CACNG3: variants seen among roughly 807,000 people sequenced by gnomAD.
CACNG3 encodes the protein voltage-dependent calcium channel gamma-3 subunit.
CACNG3 carries 3 observed loss-of-function variants against 28.5 expected under a neutral mutation model. The observed-to-expected ratio is 0.11, with a 90% confidence interval of 0.05 to 0.27. The LOEUF (loss-of-function observed/expected upper bound fraction) is 0.27, where lower values mean the gene tolerates loss of function less well. CACNG3 is among the 10% of genes least tolerant of loss of function. The probability of loss-of-function intolerance (pLI) is 1.00; values close to 1 mark genes in which losing one functional copy is unlikely to be tolerated. For missense variants in CACNG3, 236 were observed against 414.4 expected (o/e 0.57, Z 3.74); for synonymous variants, 174 against 162.2 (o/e 1.07, Z -0.55).
chr16:24,286,407 GACACAC>G (rs34888406), intron 1 of CACNG3, among the ~76,000 whole-genome samples: 25 of 136,480 alleles, frequency 1.8e-4, no homozygotes, highest in East Asian at 6.2e-4. Context: ...TTAAATGAAG[GACACAC>G]ACACACACAC....
At chr16:24,259,568 C>T (rs1194955628) in intron 1 of CACNG3, among the ~76,000 whole-genome samples, 1 of 152,098 alleles carries the variant, frequency 6.6e-6, no homozygotes, top group African/African-American at 2.4e-5. Context: ...GTTTGTTCTT[C>T]TGTGCTTTTT....
At chr16:24,308,839 C>CAAAAAAAAAAAAAAAAAAAAAAA (rs71154298) in intron 1 of CACNG3, among the ~76,000 whole-genome samples, 8 of 27,268 alleles carry the variant, frequency 2.9e-4, no homozygotes, top group Non-Finnish European at 5.2e-4. Flanking sequence ...GAACCTACCT[C>CAAAAAAAAAAAAAAAAAAAAAAA]AAAAAAAAAA....
chr16:24,339,020 A>G (rs1899746750), intron 1 of CACNG3, among the ~76,000 whole-genome samples: 1 of 152,348 alleles, frequency 6.6e-6, no homozygotes, highest in Admixed American at 6.5e-5. Context: ...CAGCTTAGAC[A>G]TAATTTCACT....
chr16:24,306,409 G>A (rs143015011), intron 1 of CACNG3, among the ~76,000 whole-genome samples: 14 of 152,332 alleles, frequency 9.2e-5, no homozygotes, highest in Non-Finnish European at 2.1e-4. Context: ...AGAGTATGGG[G>A]TAACAAAGCA....
chr16:24,336,373 G>A (rs1317906006), intron 1 of CACNG3, among the ~76,000 whole-genome samples: 2 of 150,648 alleles, frequency 1.3e-5, no homozygotes, highest in African/African-American at 2.4e-5. Flanking sequence ...CCAGGTTCAC[G>A]CCATTCTCCG....
chr16:24,360,343 C>T (rs1900089556), intron 3 of CACNG3, among the ~76,000 whole-genome samples: 1 of 152,210 alleles, frequency 6.6e-6, no homozygotes, highest in African/African-American at 2.4e-5. Flanking sequence ...CTGACCACTA[C>T]CTAGGAAACT....
intron 1 of CACNG3, among the ~76,000 whole-genome samples, chr16:24,328,062 T>C (rs565150180): frequency 6.6e-6 from 1 of 152,334 alleles, no homozygotes; most frequent in South Asian, 2.1e-4. Flanking sequence ...AAGACAGTGG[T>C]GAGCAAGACA....
chr16:24,361,924 C>G lies in CACNG3; in HGVS notation c.*61C>G. On this transcript the variant is annotated 3_prime_UTR_variant, in exon 4 of 4. Transcript: ENST00000005284. The surrounding 1 kb of genome is among the most constrained non-coding windows in gnomAD (Gnocchi z 6.8). ...CCTTGGGGGAAGTGTACAGAGATGTCTCTGAGGTTGCATGGCATGGTCCTT... is the reference window on the plus strand; with the variant it reads ...CCTTGGGGGAAGTGTACAGAGATGTGTCTGAGGTTGCATGGCATGGTCCTT... 1.4e-6 allele frequency: 2 copies of G among 1,470,352 alleles called. No homozygotes were observed. The highest frequency in any genetic ancestry group is 2.6e-5 in the South Asian group (2 of 75,882). The allele number at this position is 1,470,352 out of a possible 1,614,324, so 91.1% of individuals were successfully genotyped here.
intron 1 of CACNG3, among the ~76,000 whole-genome samples, chr16:24,276,280 A>C (rs1418664554): frequency 6.6e-6 from 1 of 152,210 alleles, no homozygotes; most frequent in Non-Finnish European, 1.5e-5. Flanking sequence ...CATGCAATTG[A>C]ATTTATCATT....
chr16:24,285,845 C>CT (rs11406086), intron 1 of CACNG3, among the ~76,000 whole-genome samples: 7,970 of 131,540 alleles, frequency 0.061, 654 homozygotes, highest in African/African-American at 0.17. Context: ...TCTTTCTTTT[C>CT]TTTTTTTTTT....
At chr16:24,304,254 T>C (rs1449397307) in intron 1 of CACNG3, among the ~76,000 whole-genome samples, 5 of 152,156 alleles carry the variant, frequency 3.3e-5, no homozygotes, top group Non-Finnish European at 4.4e-5. Flanking sequence ...AAAAAATAGA[T>C]TTTTTTGGAC....
At chr16:24,263,241 T>C (rs2141344096) in intron 1 of CACNG3, among the ~76,000 whole-genome samples, 1 of 152,344 alleles carries the variant, frequency 6.6e-6, no homozygotes, top group Non-Finnish European at 1.5e-5. Context: ...AGTTTTATAT[T>C]ACTTTAGTAA....
intron 1 of CACNG3, among the ~76,000 whole-genome samples, chr16:24,331,642 C>T (rs1899632493): frequency 6.6e-6 from 1 of 152,224 alleles, no homozygotes; most frequent in African/African-American, 2.4e-5. Context: ...ATACATGCTC[C>T]TTTTCAGTTC....
intron 1 of CACNG3, among the ~76,000 whole-genome samples, chr16:24,297,519 C>T (rs1899047645): frequency 6.6e-6 from 1 of 152,158 alleles, no homozygotes; most frequent in Admixed American, 6.5e-5. Context: ...GATGCATCTA[C>T]CCGCCCACCC....
chr16:24,304,738 C>T (rs1218275261), intron 1 of CACNG3, among the ~76,000 whole-genome samples: 2 of 152,106 alleles, frequency 1.3e-5, no homozygotes, highest in Non-Finnish European at 2.9e-5. Flanking sequence ...CTTTTGTATT[C>T]ATTTGTAGAG....
intron 1 of CACNG3, among the ~76,000 whole-genome samples, chr16:24,304,367 A>G (rs1567214116): frequency 6.6e-6 from 1 of 152,128 alleles, no homozygotes; most frequent in Non-Finnish European, 1.5e-5. Flanking sequence ...TAGCTTTTTA[A>G]AAATTAAAGT....
intron 1 of CACNG3, among the ~76,000 whole-genome samples, chr16:24,326,902 C>A (rs1176685756): frequency 6.6e-6 from 1 of 152,014 alleles, no homozygotes; most frequent in African/African-American, 2.4e-5. Context: ...CATGATCTCG[C>A]TCCCCTGCCA....
At chr16:24,307,151 T>C (rs1899197014) in intron 1 of CACNG3, among the ~76,000 whole-genome samples, 1 of 152,126 alleles carries the variant, frequency 6.6e-6, no homozygotes, top group Admixed American at 6.5e-5. Flanking sequence ...TGTTGTTTTC[T>C]TTTGTTTTGA....
intron 1 of CACNG3, among the ~76,000 whole-genome samples, chr16:24,316,206 G>A (rs58989402): frequency 0.037 from 3,944 of 105,398 alleles, 174 homozygotes; most frequent in African/African-American, 0.093. Flanking sequence ...CTCAGGAACC[G>A]TCTGGACTTT....
Sources: allele counts gnomAD v4.1 joint callset (sites outside exome capture counted in the v4.1 genomes callset), GRCh38; gene constraint gnomAD v4.1.1; non-coding constraint Gnocchi (gnomAD v3.1); transcripts MANE v1.5; gene names NCBI Gene and HGNC (gene_info 2026-07-23, HGNC 2026-07-21).